PIK3R4: variants seen among roughly 807,000 people sequenced by gnomAD.
The protein encoded by PIK3R4 is phosphoinositide 3-kinase regulatory subunit 4.
In PIK3R4, 46 loss-of-function variants were observed where a neutral mutation model predicts 136.5. That is an observed-to-expected ratio of 0.34 (90% CI 0.27 to 0.43). The LOEUF is 0.43. PIK3R4 is among the 20% of genes least tolerant of loss of function. PIK3R4 has a pLI of 1.00. For synonymous variants in PIK3R4, 557 were observed against 566.7 expected, an observed-to-expected ratio of 0.98 and a Z score of 0.24; for missense variants, 1,331 against 1,649.5, an observed-to-expected ratio of 0.81 and a Z score of 3.35.
At chr3:130,737,183 G>A (rs2066790708) in intron 2 of PIK3R4, among the ~76,000 whole-genome samples, 1 of 152,106 alleles carries the variant, frequency 6.6e-6, no homozygotes, top group African/African-American at 2.4e-5. Context: ...CAGCAGTAAT[G>A]CCTTTCTTGA....
intron 3 of PIK3R4, among the ~76,000 whole-genome samples, chr3:130,734,513 C>T (rs1361129641): frequency 6.6e-6 from 1 of 152,184 alleles, no homozygotes; most frequent in South Asian, 2.1e-4. Context: ...AAAACACATA[C>T]AATTCTGGAA....
At chr3:130,715,722 T>C (rs2066660969) in intron 9 of PIK3R4, among the ~76,000 whole-genome samples, 1 of 152,198 alleles carries the variant, frequency 6.6e-6, no homozygotes. Context: ...TTCACTCTGA[T>C]GATGGTTTCT....
intron 2 of PIK3R4, among the ~76,000 whole-genome samples, chr3:130,744,082 A>G (rs1232121910): frequency 6.6e-6 from 1 of 152,160 alleles, no homozygotes; most frequent in East Asian, 1.9e-4. Flanking sequence ...GACTAATTTA[A>G]ATATCTATGT....
At chr3:130,709,789 G>A (rs1464948967) in intron 9 of PIK3R4, among the ~76,000 whole-genome samples, 9 of 152,126 alleles carry the variant, frequency 5.9e-5, no homozygotes. Context: ...GCCACATATT[G>A]CATGATTCCA....
chr3:130,745,374 T>A, intron 1 of PIK3R4, 110 bp from the exon 2 acceptor site: 1 of 700,134 alleles, frequency 1.4e-6, no homozygotes, highest in Non-Finnish European at 2.3e-6. Flanking sequence ...AGCATACTTC[T>A]CTTCCACTAA....
In PIK3R4 at chr3:130,718,526, G is replaced by A. The variant is rs774768226; in HGVS notation, c.1990C>T (p.Leu664=). 5 of 1,613,704 alleles carry A rather than the reference G, an allele frequency of 3.1e-6. No individual in the cohort carries two copies. The African/African-American group carries it at 4.0e-5, about 13-fold the overall frequency. The part of the protein sequence containing the change: ...YEFASDIAPF[L]CHPNLWIRYG... ...CGTATCCATAAATTGGGATGACACAGGAAGGGGGCTAAAGAGGAAAAGAAA... is the reference window on the plus strand; with the variant it reads ...CGTATCCATAAATTGGGATGACACAAGAAGGGGGCTAAAGAGGAAAAGAAA... Residue 664 remains leucine, a synonymous_variant, in exon 8 of 20, where the codon CTG becomes TTG. Coordinates refer to ENST00000356763, the MANE Select transcript of PIK3R4 (RefSeq NM_014602.3).
intron 19 of PIK3R4, among the ~76,000 whole-genome samples, chr3:130,680,008 G>A (rs1291928197): frequency 8.7e-5 from 12 of 137,574 alleles, no homozygotes; most frequent in African/African-American, 2.8e-4. Flanking sequence ...CTGGGAGGCA[G>A]AGGATGCAGT....
At chr3:130,701,874 G>A (rs1042436853) in intron 13 of PIK3R4, among the ~76,000 whole-genome samples, 2 of 151,980 alleles carry the variant, frequency 1.3e-5, no homozygotes, top group African/African-American at 4.8e-5. Flanking sequence ...GCTCACACTT[G>A]TATCCCAGCA....
chr3:130,719,216 T>C (rs1444711989), intron 7 of PIK3R4, among the ~76,000 whole-genome samples: 1 of 152,136 alleles, frequency 6.6e-6, no homozygotes, highest in African/African-American at 2.4e-5. Context: ...CGATTTTATG[T>C]ATTAAACATA....
At position 130,745,069 on chromosome 3, in the gene PIK3R4, G is replaced by A. The variant is rs759836189; in HGVS notation, c.150C>T (p.Val50=). Residue 50 remains valine, a synonymous_variant, in exon 2 of 20, where the codon GTC becomes GTT. Transcript: ENST00000356763. ...VARAKHREGL[V]VVKVFAIQDP... is the part of the protein sequence containing the mutation. ...CCTGAATTGCAAAAACCTTCACAAC[G>A]ACCAGGCCTTCTCGGTGCTTGGCTC... 1.2e-6 allele frequency: 2 copies of A among 1,613,468 alleles called. No individual in the cohort carries two copies. Among genetic ancestry groups the A allele is most frequent in the South Asian group, 2.2e-5 (2 of 90,976 alleles).
intron 8 of PIK3R4, 121 bp from the exon 9 acceptor site, chr3:130,716,720 C>T (rs1359785070): frequency 1.5e-6 from 1 of 651,336 alleles, no homozygotes; most frequent in Non-Finnish European, 2.6e-6. Flanking sequence ...AAGATATCAA[C>T]ATCTGTAAGT....
At chr3:130,691,827 A>G (rs1009318702) in intron 13 of PIK3R4, among the ~76,000 whole-genome samples, 1 of 150,746 alleles carries the variant, frequency 6.6e-6, no homozygotes, top group African/African-American at 2.4e-5. Context: ...TTTTAAAAAA[A>G]TCTGTAATAT....
chr3:130,701,597 G>A (rs890820489), intron 13 of PIK3R4, among the ~76,000 whole-genome samples: 1 of 151,922 alleles, frequency 6.6e-6, no homozygotes, highest in African/African-American at 2.4e-5. Context: ...TTAAAAGAAA[G>A]GAATAGAAGG....
intron 13 of PIK3R4, among the ~76,000 whole-genome samples, chr3:130,701,891 G>T (rs1312007790): frequency 6.6e-6 from 1 of 151,982 alleles, no homozygotes; most frequent in South Asian, 2.1e-4. Flanking sequence ...AGCATTTTGG[G>T]AGACTTGAGA....
In PIK3R4 at chr3:130,716,447, A is replaced by G. The variant is rs1576458414; in HGVS notation, c.2280T>C (p.Pro760=). ...GTGCTATGGCAGGATCCTCTGGCGG[A>G]GGGCAGTCGGGAAGAGAACCATTTC... The part of the protein sequence containing the change: ...KKRNGSLPDC[P]PPEDPAIAQL... The change falls in exon 9 of 20, where the codon CCT becomes CCC. Residue 760 remains proline (P), a synonymous_variant. Transcript: ENST00000356763. The G allele has an allele frequency of 6.2e-7, 1 of 1,614,182 alleles. No homozygotes were observed. Among genetic ancestry groups the G allele is most frequent in the Non-Finnish European group, 8.5e-7 (1 of 1,180,018 alleles).
intron 13 of PIK3R4, among the ~76,000 whole-genome samples, chr3:130,691,480 T>C (rs1013453412): frequency 6.6e-5 from 10 of 152,182 alleles, no homozygotes; most frequent in Admixed American, 5.9e-4. Context: ...CTGTGTTTTC[T>C]ACTCTCTTTG....
chr3:130,706,824 G>T, intron 11 of PIK3R4, 124 bp downstream of exon 11: 1 of 576,702 alleles, frequency 1.7e-6, no homozygotes, highest in Non-Finnish European at 2.8e-6. Context: ...AAAGAAATAT[G>T]ACCTCCCTAA....
chr3:130,735,586 A>C (rs2066781675), intron 3 of PIK3R4, among the ~76,000 whole-genome samples: 1 of 152,230 alleles, frequency 6.6e-6, no homozygotes, highest in Non-Finnish European at 1.5e-5. Context: ...AACCCCTAGA[A>C]ACTACCTTAC....
chr3:130,723,386 ATTCTAATTTTGAGAAACAGAAAC>A lies in PIK3R4; in HGVS notation c.1981+5_1981+27del. ...AATTTTATAAAGTTCTTCCAATCTC[ATTCTAATTTTGAGAAACAGAAAC>A]TTACCAATATCACTGGCAAATTCGT... On this transcript the variant is annotated splice_donor_5th_base_variant and intron_variant, in intron 7 of 19. Coordinates refer to ENST00000356763, the MANE Select transcript of PIK3R4 (RefSeq NM_014602.3). 1.3e-6 allele frequency: 2 copies of A among 1,571,250 alleles called. No homozygotes were observed. Among genetic ancestry groups the A allele is most frequent in the Non-Finnish European group, 1.7e-6 (2 of 1,159,126 alleles).
Sources: gnomAD v4.1 joint callset for allele counts (sites outside exome capture counted in the v4.1 genomes callset) on GRCh38, gnomAD v4.1.1 for gene constraint, MANE v1.5 for transcripts, NCBI Gene and HGNC (gene_info 2026-07-23, HGNC 2026-07-21) for gene names.